The following MLLT1 variants were observed in gnomAD, a reference collection of about 807,000 sequenced individuals.
The protein encoded by MLLT1 is protein ENL.
Under a neutral mutation model 55.1 loss-of-function variants are expected in MLLT1, and 11 were observed. That is an observed-to-expected ratio of 0.20 (90% CI 0.13 to 0.33). MLLT1 has a LOEUF of 0.33. Ranked by LOEUF, MLLT1 falls within the 10% of genes least tolerant of loss-of-function variation. The probability of loss-of-function intolerance (pLI) is 1.00; values close to 1 mark genes in which losing one functional copy is unlikely to be tolerated. For missense variants in MLLT1, 536 were observed against 760.6 expected, an observed-to-expected ratio of 0.70 and a Z score of 3.47; for synonymous variants, 323 against 320.1, an observed-to-expected ratio of 1.01 and a Z score of -0.10.
intron 3 of MLLT1, among the ~76,000 whole-genome samples, chr19:6,260,811 G>A (rs10403521): frequency 0.37 from 56,611 of 152,148 alleles, 13,389 homozygotes; most frequent in African/African-American, 0.68. Flanking sequence ...GCACCACTGC[G>A]CTCCAGCCTG....
chr19:6,254,973 C>T (rs1268575474), intron 3 of MLLT1, among the ~76,000 whole-genome samples: 1 of 118,592 alleles, frequency 8.4e-6, no homozygotes, highest in Non-Finnish European at 1.6e-5. Context: ...AAAAAAAAAT[C>T]AACAAAAGAA....
intron 6 of MLLT1, among the ~76,000 whole-genome samples, chr19:6,221,761 T>G (rs1156304640): frequency 6.6e-6 from 1 of 152,122 alleles, no homozygotes; most frequent in Non-Finnish European, 1.5e-5. Context: ...AGAGCAACCA[T>G]GAGACACGCT....
At chr19:6,233,220 G>A (rs952206489) in intron 3 of MLLT1, among the ~76,000 whole-genome samples, 2 of 152,236 alleles carry the variant, frequency 1.3e-5, no homozygotes, top group East Asian at 3.8e-4. Flanking sequence ...GGGGACAGGC[G>A]CCTCCTGGGA....
chr19:6,230,581 G>A lies in MLLT1; in HGVS notation c.409C>T (p.Arg137Trp), dbSNP rs1196954792. The change falls in exon 4 of 12, where the codon CGG (arginine) becomes TGG (tryptophan). Residue 137 changes from arginine to tryptophan, a missense_variant. Physicochemically the swap from Arg to Trp is moderately radical, Grantham distance 101. Coordinates refer to ENST00000252674, the MANE Select transcript of MLLT1 (RefSeq NM_005934.4). This position sits in a 1 kb window ranked among gnomAD's most constrained non-coding sequence, Gnocchi z 9.0. ...PTTEFRYKLL[R>W]AGGVMVMPEG... ...CGGGGCACACTCACCCCGCCGGCCC[G>A]CAGGAGCTTGTACCGGAACTCCGTG... is the stretch of plus-strand genomic sequence containing the variant. 6.2e-7 allele frequency: 1 copy of A among 1,613,300 alleles called. No homozygotes were observed. Among genetic ancestry groups the A allele is most frequent in the East Asian group, 2.2e-5 (1 of 44,872 alleles).
intron 1 of MLLT1, among the ~76,000 whole-genome samples, chr19:6,274,423 C>G (rs1296385145): frequency 6.6e-6 from 1 of 152,176 alleles, no homozygotes. Flanking sequence ...GCCATTAGGA[C>G]CAAAGAATTG....
chr19:6,245,467 T>C lies in MLLT1; in HGVS notation c.277-14754A>G, dbSNP rs181483678. Among the ~76,000 whole-genome samples the C allele has an allele frequency of 4.3e-3, 650 of 150,392 alleles. 3 individuals are homozygous for C. The highest frequency in any genetic ancestry group is 0.014 in the African/African-American group (567 of 41,106). ...GGCTCACGCCTGTAAACTCAGCACT[T>C]TGGGAGGCCGAGGTGGGCGGATCAC... On this transcript the variant is annotated intron_variant, in intron 3 of 11. Coordinates refer to ENST00000252674, the MANE Select transcript of MLLT1 (RefSeq NM_005934.4).
Position 6,222,708 on chromosome 19 carries a change from G to A in MLLT1, c.547-24C>T. On this transcript the variant is annotated intron_variant, in intron 5 of 11. Coordinates refer to ENST00000252674, the MANE Select transcript of MLLT1 (RefSeq NM_005934.4). The surrounding 1 kb of genome is among the most constrained non-coding windows in gnomAD (Gnocchi z 4.1). The stretch of plus-strand genomic sequence containing the variant: ...TCCTGCAAGGCCAAGAGCAGGGAGG[G>A]CAAGGGGAGAGACAAGGTCACGTGG... The A allele has an allele frequency of 6.7e-7, 1 of 1,499,080 alleles. No homozygotes were observed. The highest frequency in any genetic ancestry group is 1.4e-5 in the African/African-American group (1 of 71,574). 92.9% of individuals were successfully genotyped at this position (1,499,080 alleles called of 1,614,324 possible). A position where few individuals can be genotyped will look rare whatever the true frequency, so the allele number is the denominator to read the frequency against.
chr19:6,257,560 G>A (rs1213395248), intron 3 of MLLT1, among the ~76,000 whole-genome samples: 2 of 152,220 alleles, frequency 1.3e-5, no homozygotes, highest in Non-Finnish European at 2.9e-5. Context: ...CAGCACTTTG[G>A]GAGGCCAAGA....
chr19:6,265,470 A>C (rs1188846451), intron 2 of MLLT1, among the ~76,000 whole-genome samples: 1 of 152,140 alleles, frequency 6.6e-6, no homozygotes, highest in African/African-American at 2.4e-5. Flanking sequence ...CAGGAGTTCA[A>C]GACCAGCCTG....
chr19:6,214,013 C>T lies in MLLT1; in HGVS notation c.1333G>A (p.Asp445Asn). 3 of 1,448,830 alleles carry T rather than the reference C, an allele frequency of 2.1e-6. No homozygotes were observed. Among genetic ancestry groups the T allele is most frequent in the Non-Finnish European group, 1.8e-6 (2 of 1,102,098 alleles). The allele number at this position is 1,448,830 out of a possible 1,614,324, so 89.7% of individuals were successfully genotyped here. A position where few individuals can be genotyped will look rare whatever the true frequency, so the allele number is the denominator to read the frequency against. ...GGCAGGGAGGAGTCGGCGCTGTTGT[C>T]ACTCTCGCTGTCGCTGAAGCTCAAC... ...SRLSFSDSESDNSADSSLPSR... is the reference protein window; with the variant it reads ...SRLSFSDSESNNSADSSLPSR... The change falls in exon 9 of 12, where the codon GAC becomes AAC. Residue 445 changes from aspartate (D) to asparagine (N), a missense_variant. By Grantham distance (23) the Asp-to-Asn change is conservative (BLOSUM62 1). Coordinates refer to ENST00000252674, the MANE Select transcript of MLLT1 (RefSeq NM_005934.4).
At chr19:6,258,706 C>G (rs548583928) in intron 3 of MLLT1, among the ~76,000 whole-genome samples, 1 of 152,210 alleles carries the variant, frequency 6.6e-6, no homozygotes, top group Non-Finnish European at 1.5e-5. Flanking sequence ...GCTGAAAAAC[C>G]CTCATGCTTA....
chr19:6,271,803 C>A (rs1014014564), intron 1 of MLLT1, among the ~76,000 whole-genome samples: 1 of 152,258 alleles, frequency 6.6e-6, no homozygotes, highest in African/African-American at 2.4e-5. Flanking sequence ...TGGCCTGAGT[C>A]CCACACCCTC....
At chr19:6,242,691 CG>C (rs1411429751) in intron 3 of MLLT1, among the ~76,000 whole-genome samples, 1 of 152,130 alleles carries the variant, frequency 6.6e-6, no homozygotes, top group African/African-American at 2.4e-5. Flanking sequence ...AGGAATCTGG[CG>C]TCAGGGGCAG....
rs1021657836 is a variant in MLLT1, at chr19:6,229,958, G to T, written c.420+612C>A. On this transcript the variant is annotated intron_variant, in intron 4 of 11. Coordinates refer to ENST00000252674, the MANE Select transcript of MLLT1 (RefSeq NM_005934.4). This position sits in a 1 kb window ranked among gnomAD's most constrained non-coding sequence, Gnocchi z 5.2. ...TCTGTGGCCCTGGGCCCTGAAGGTG[G>T]CATTGCTGTTCTGTGACCAGGCCTC... Among the ~76,000 whole-genome samples, 2 of 152,116 alleles carry T rather than the reference G, an allele frequency of 1.3e-5. No homozygotes were observed. The highest frequency in any genetic ancestry group is 4.8e-5 in the African/African-American group (2 of 41,404).
intron 2 of MLLT1, among the ~76,000 whole-genome samples, chr19:6,265,006 G>A (rs982087193): frequency 1.4e-5 from 1 of 69,524 alleles, no homozygotes; most frequent in African/African-American, 6.2e-5. Context: ...TAAAATGAAA[G>A]ACACTCAAAT....
Position 6,240,435 on chromosome 19 carries a change from TC to T in MLLT1, c.277-9723del, listed in dbSNP as rs1194316061. The stretch of plus-strand genomic sequence containing the variant: ...ACAGCAGGTGACGCAGAGGGCGGGC[TC>T]CAAGCGGAGCTGGCACCCGGCGCAG... On this transcript the variant is annotated intron_variant, in intron 3 of 11. Transcript: ENST00000252674. The surrounding 1 kb of genome is among the most constrained non-coding windows in gnomAD (Gnocchi z 4.7). Among the ~76,000 whole-genome samples the T allele has an allele frequency of 6.6e-6, 1 of 152,160 alleles. No homozygotes were observed. Among genetic ancestry groups the T allele is most frequent in the East Asian group, 1.9e-4 (1 of 5,190 alleles).
intron 3 of MLLT1, among the ~76,000 whole-genome samples, chr19:6,254,981 G>GAA (rs5826924): frequency 2.9e-5 from 4 of 135,882 alleles, no homozygotes; most frequent in Non-Finnish European, 4.9e-5. Context: ...ATCAACAAAA[G>GAA]AAAAAAAAAA....
chr19:6,218,050 A>C lies in MLLT1; in HGVS notation c.1111-9T>G. ...GGGCTTGACTGGGCAGACTTCACCC[A>C]ATGGTGGGATGGGCAGGGAGGGGAG... On this transcript the variant is annotated splice_polypyrimidine_tract_variant and intron_variant, in intron 6 of 11. Transcript: ENST00000252674. The C allele has an allele frequency of 6.2e-7, 1 of 1,604,716 alleles. No homozygotes were observed. Among genetic ancestry groups the C allele is most frequent in the East Asian group, 2.3e-5 (1 of 43,990 alleles).
At chr19:6,279,293 G>A (rs1568301311) in intron 1 of MLLT1, among the ~76,000 whole-genome samples, 1 of 152,146 alleles carries the variant, frequency 6.6e-6, no homozygotes, top group Non-Finnish European at 1.5e-5. Context: ...GACTGGCCCT[G>A]GACCTAGAGA....
Sources: gnomAD v4.1 joint callset for allele counts (sites outside exome capture counted in the v4.1 genomes callset) on GRCh38, gnomAD v4.1.1 for gene constraint, Gnocchi (gnomAD v3.1) non-coding constraint, MANE v1.5 for transcripts, NCBI Gene and HGNC (gene_info 2026-07-23, HGNC 2026-07-21) for gene names.